Variants in SHROOM3 observed in about 807,000 individuals in gnomAD.
The protein encoded by SHROOM3 is protein Shroom3.
In SHROOM3, 47 loss-of-function variants were observed where a neutral mutation model predicts 138.6. The ratio of observed to expected loss-of-function variants is 0.34; its 90% CI spans 0.27 to 0.43. The LOEUF is 0.43. Among genes scored for constraint, SHROOM3 ranks in the 20% least tolerant of loss-of-function variants. The pLI, the probability that SHROOM3 is intolerant of heterozygous loss-of-function variation, is 1.00. For missense variants in SHROOM3, 2,491 were observed against 2,596.5 expected (o/e 0.96, Z 0.88); for synonymous variants, 1,062 against 1,063.3 (o/e 1.00, Z 0.02).
chr4:76,765,764 T>A (rs1362461505), intron 9 of SHROOM3, among the ~76,000 whole-genome samples: 1 of 152,186 alleles, frequency 6.6e-6, no homozygotes, highest in Non-Finnish European at 1.5e-5. Flanking sequence ...TTAGAATGTG[T>A]ATAATACTTT....
rs371645515 is a variant in SHROOM3 at position 76,759,532 on chromosome 4, C to T, written c.5199-13C>T. ...GATCTGTGTGGCTATACTTTGTGCT[C>T]TTTTTGGCCCAGGAATGAAGACAAG... On this transcript the variant is annotated splice_polypyrimidine_tract_variant and intron_variant, in intron 8 of 10. Transcript: ENST00000296043. The T allele has an allele frequency of 6.2e-7, 1 of 1,613,906 alleles. No individual in the cohort carries two copies. The highest frequency in any genetic ancestry group is 1.7e-5 in the Admixed American group (1 of 60,016).
chr4:76,613,236 G>A (rs1381918090), intron 2 of SHROOM3, among the ~76,000 whole-genome samples: 1 of 152,120 alleles, frequency 6.6e-6, no homozygotes, highest in African/African-American at 2.4e-5. Flanking sequence ...TGCTTACCCA[G>A]CCTCTCCTTG....
chr4:76,673,501 A>T (rs1365995326), intron 2 of SHROOM3, among the ~76,000 whole-genome samples: 1 of 152,068 alleles, frequency 6.6e-6, no homozygotes, highest in Non-Finnish European at 1.5e-5. Context: ...AAGAGAAAGG[A>T]TGTTTAAGAG....
At chr4:76,736,443 C>T (rs1721074756) in intron 4 of SHROOM3, among the ~76,000 whole-genome samples, 1 of 152,120 alleles carries the variant, frequency 6.6e-6, no homozygotes, top group African/African-American at 2.4e-5. Context: ...GTCTCCTTTT[C>T]CTTAAATTCC....
intron 2 of SHROOM3, among the ~76,000 whole-genome samples, chr4:76,652,961 G>A (rs576987049): frequency 6.6e-6 from 1 of 152,200 alleles, no homozygotes; most frequent in East Asian, 1.9e-4. Flanking sequence ...TCATGGTGTG[G>A]TGAGACAAGA....
At chr4:76,610,184 C>A (rs12640320) in intron 2 of SHROOM3, among the ~76,000 whole-genome samples, 41,171 of 152,116 alleles carry the variant, frequency 0.27, 5,749 homozygotes, top group East Asian at 0.43. Flanking sequence ...AAGATAACCA[C>A]CATGTGGCAG....
chr4:76,533,408 A>G (rs984051055), intron 1 of SHROOM3, among the ~76,000 whole-genome samples: 1 of 152,196 alleles, frequency 6.6e-6, no homozygotes, highest in African/African-American at 2.4e-5. Flanking sequence ...TTCCCAGAGA[A>G]ACTCAATGGC....
intron 9 of SHROOM3, among the ~76,000 whole-genome samples, chr4:76,762,648 T>C (rs1722021933): frequency 6.6e-6 from 1 of 152,238 alleles, no homozygotes; most frequent in African/African-American, 2.4e-5. Flanking sequence ...TTGCATCACT[T>C]TGTGAGTGTA....
rs903314536 is a variant in SHROOM3 at position 76,626,685 on chromosome 4, C to A, written c.323+70922C>A. Among the ~76,000 whole-genome samples, 5 of 152,174 alleles carry A rather than the reference C, an allele frequency of 3.3e-5. No homozygotes were observed. In the South Asian group the frequency reaches 1.0e-3, roughly 32 times the overall value. On this transcript the variant is annotated intron_variant, in intron 2 of 10. Coordinates refer to ENST00000296043, the MANE Select transcript of SHROOM3 (RefSeq NM_020859.4). ...AACACTGATAGGTGGGTGGTATTGT[C>A]CCTCTTTACAGAGGAAGGAATTGAG...
intron 10 of SHROOM3, among the ~76,000 whole-genome samples, chr4:76,778,524 T>C (rs1429525786): frequency 6.6e-6 from 1 of 152,116 alleles, no homozygotes; most frequent in Non-Finnish European, 1.5e-5. Flanking sequence ...GCCCAGCTGA[T>C]GATTGGTTTT....
intron 3 of SHROOM3, among the ~76,000 whole-genome samples, chr4:76,723,658 A>C (rs2110124690): frequency 6.6e-6 from 1 of 152,296 alleles, no homozygotes; most frequent in East Asian, 1.9e-4. Flanking sequence ...AATTAAAAGC[A>C]CAGGCTCTGG....
At chr4:76,592,226 G>A (rs758807790) in intron 2 of SHROOM3, among the ~76,000 whole-genome samples, 4 of 152,340 alleles carry the variant, frequency 2.6e-5, no homozygotes, top group Non-Finnish European at 5.9e-5. Context: ...TGGGAGGCCA[G>A]TGTGGGTGGA....
chr4:76,639,980 A>G (rs542635476), intron 2 of SHROOM3, among the ~76,000 whole-genome samples: 1 of 152,188 alleles, frequency 6.6e-6, no homozygotes, highest in Non-Finnish European at 1.5e-5. Context: ...TTGTAACCAT[A>G]ATTTTGCTTA....
At chr4:76,607,741 T>C (rs1173682468) in intron 2 of SHROOM3, among the ~76,000 whole-genome samples, 1 of 152,124 alleles carries the variant, frequency 6.6e-6, no homozygotes, top group Non-Finnish European at 1.5e-5. Context: ...ATAGCCATCT[T>C]TACATCAAAA....
chr4:76,506,577 G>C (rs908059153), intron 1 of SHROOM3, among the ~76,000 whole-genome samples: 1 of 151,978 alleles, frequency 6.6e-6, no homozygotes, highest in African/African-American at 2.4e-5. Context: ...AATGTTATCT[G>C]TGTTTAGTAT....
At chr4:76,661,638 G>A (rs146445290) in intron 2 of SHROOM3, among the ~76,000 whole-genome samples, 35 of 152,190 alleles carry the variant, frequency 2.3e-4, no homozygotes, top group African/African-American at 7.9e-4. Flanking sequence ...CCATAGATTA[G>A]TTTTTTCTAT....
chr4:76,692,917 C>T (rs1670019713), intron 2 of SHROOM3, among the ~76,000 whole-genome samples: 1 of 152,194 alleles, frequency 6.6e-6, no homozygotes, highest in African/African-American at 2.4e-5. Flanking sequence ...GTGATGGTTT[C>T]ATAGGTATAC....
rs150473491 is a variant in SHROOM3, at chr4:76,653,569, CTAAT to C, written c.324-56581_324-56578del. 8.2e-3 allele frequency among the ~76,000 whole-genome samples: 1,243 copies of C among 151,744 alleles called. 18 individuals carry two copies. Among genetic ancestry groups the C allele is most frequent in the African/African-American group, 0.029 (1,196 of 41,354 alleles). ...TCATTTCTTCATTCATTTTATTTAA[CTAAT>C]TAATTTTTTTGAGACAGAGTCTCAC... On this transcript the variant is annotated intron_variant, in intron 2 of 10. Transcript: ENST00000296043.
intron 1 of SHROOM3, among the ~76,000 whole-genome samples, chr4:76,444,038 C>A (rs1325954206): frequency 6.6e-6 from 1 of 151,998 alleles, no homozygotes; most frequent in African/African-American, 2.4e-5. Flanking sequence ...AGCTTCTTAC[C>A]TCAGCCTCCC....
Sources: gnomAD v4.1 joint callset for allele counts (sites outside exome capture counted in the v4.1 genomes callset) on GRCh38, gnomAD v4.1.1 for gene constraint, MANE v1.5 for transcripts, NCBI Gene and HGNC (gene_info 2026-07-23, HGNC 2026-07-21) for gene names.